GLDN: variants seen among roughly 807,000 people sequenced by gnomAD.
GLDN encodes the protein collomin.
GLDN carries 47 observed loss-of-function variants against 56.5 expected under a neutral mutation model. The ratio of observed to expected loss-of-function variants is 0.83; its 90% CI spans 0.66 to 1.06. The LOEUF is 1.06. GLDN is among the 50% of genes least tolerant of loss of function. GLDN has a pLI of 0.00. For missense variants in GLDN, 782 were observed against 714.3 expected, an observed-to-expected ratio of 1.09 and a Z score of -1.08; for synonymous variants, 332 against 278.8, an observed-to-expected ratio of 1.19 and a Z score of -1.90.
chr15:51,388,922 G>T (rs1262355410), intron 4 of GLDN, among the ~76,000 whole-genome samples: 1 of 152,232 alleles, frequency 6.6e-6, no homozygotes, highest in Non-Finnish European at 1.5e-5. Context: ...GGGAGGGCTG[G>T]GAGGGTTCCA....
intron 4 of GLDN, among the ~76,000 whole-genome samples, chr15:51,394,002 G>A (rs1223926416): frequency 6.6e-6 from 1 of 152,196 alleles, no homozygotes; most frequent in Non-Finnish European, 1.5e-5. Context: ...ACAGAAAAGG[G>A]CATTGGAGAT....
chr15:51,343,584 GC>G (rs1426792211), intron 1 of GLDN, among the ~76,000 whole-genome samples: 1 of 152,174 alleles, frequency 6.6e-6, no homozygotes, highest in African/African-American at 2.4e-5. Flanking sequence ...AGGTGACCTC[GC>G]AGTGCTACCA....
rs368085516 is a variant in GLDN, at chr15:51,404,533, C to G, written c.1435C>G (p.Arg479Gly). 1.3e-5 allele frequency: 21 copies of G among 1,613,946 alleles called. No individual in the cohort carries two copies. Among genetic ancestry groups the G allele is most frequent in the Non-Finnish European group, 1.7e-5 (20 of 1,180,032 alleles). The change falls in exon 10 of 10, where the codon CGA becomes GGA. Residue 479 changes from arginine (R) to glycine (G), a missense_variant. Coordinates refer to ENST00000335449, the MANE Select transcript of GLDN (RefSeq NM_181789.4). ...KSKAGNAFIA[R>G]GILYVTDTKD... ...CAAGGCTGGCAACGCCTTCATTGCCCGAGGAATCCTCTATGTCACAGACAC... is the reference window on the plus strand; with the variant it reads ...CAAGGCTGGCAACGCCTTCATTGCCGGAGGAATCCTCTATGTCACAGACAC...
intron 8 of GLDN, 144 bp downstream of exon 8, chr15:51,400,642 A>C: frequency 1.0e-6 from 1 of 957,126 alleles, no homozygotes; most frequent in Non-Finnish European, 1.6e-6. Flanking sequence ...AGAAAGACCA[A>C]TAAGTGGGCA....
At chr15:51,347,352 G>A (rs752242135) in intron 1 of GLDN, among the ~76,000 whole-genome samples, 6 of 152,256 alleles carry the variant, frequency 3.9e-5, no homozygotes, top group Non-Finnish European at 7.4e-5. Flanking sequence ...GGCCCAGGAT[G>A]GCTTTGAATG....
At chr15:51,350,369 A>C (rs2037053974) in intron 1 of GLDN, among the ~76,000 whole-genome samples, 1 of 152,130 alleles carries the variant, frequency 6.6e-6, no homozygotes, top group Non-Finnish European at 1.5e-5. Flanking sequence ...GGAGCTGATG[A>C]GAGATTAGAG....
intron 1 of GLDN, among the ~76,000 whole-genome samples, chr15:51,357,529 G>T (rs2037208840): frequency 1.3e-5 from 2 of 152,194 alleles, no homozygotes; most frequent in Non-Finnish European, 2.9e-5. Context: ...AGACACAGGT[G>T]TGAGGCTTTC....
intron 4 of GLDN, 75 bp downstream of exon 4, chr15:51,383,967 T>A (rs1182532062): frequency 3.6e-6 from 4 of 1,101,660 alleles, no homozygotes; most frequent in Non-Finnish European, 5.4e-6. Flanking sequence ...ACTAAAACTG[T>A]GTGCAGCAGG....
rs774517260 is a variant in GLDN, at chr15:51,383,896, T to A, written c.541+4T>A. 3.8e-6 allele frequency: 6 copies of A among 1,583,592 alleles called. No homozygotes were observed. The highest frequency in any genetic ancestry group is 4.3e-6 in the Non-Finnish European group (5 of 1,158,944). ...AATGGAAAAAGAGGAAAAATGGGTA[T>A]TTTTGGCAACTCTTCTAATTAATTT... On this transcript the variant is annotated splice_donor_region_variant and intron_variant, in intron 4 of 9. Coordinates refer to ENST00000335449, the MANE Select transcript of GLDN (RefSeq NM_181789.4).
In GLDN at chr15:51,402,145, G is replaced by A. The variant is rs192087181; in HGVS notation, c.1178+402G>A. Among the ~76,000 whole-genome samples the A allele has an allele frequency of 3.2e-3, 481 of 152,332 alleles. 1 individual carries two copies. Among genetic ancestry groups the A allele is most frequent in the African/African-American group, 0.011 (461 of 41,586 alleles). On this transcript the variant is annotated intron_variant, in intron 9 of 9. Transcript: ENST00000335449. Reference sequence around the variant, plus strand: ...TGGGTGTGGGGAATTTCGTGTCACAGCTGAGATCATTGAAGACTGGGGAAT... The same window carrying A: ...TGGGTGTGGGGAATTTCGTGTCACAACTGAGATCATTGAAGACTGGGGAAT...
chr15:51,412,837 C>A (rs531219782), downstream of GLDN, among the ~76,000 whole-genome samples: 4 of 152,190 alleles, frequency 2.6e-5, no homozygotes, highest in East Asian at 7.7e-4. Flanking sequence ...TCCATGGCTG[C>A]TTTTATGTCA....
At position 51,384,397 on chromosome 15, in the gene GLDN, C is replaced by T. The variant is rs566059415; in HGVS notation, c.541+505C>T. Reference sequence around the variant, plus strand: ...GGCAGCATCCTGGCCTCCCTGTGGCCGGCACTCAGGTCAAAGGGTCTCCTC... The same window carrying T: ...GGCAGCATCCTGGCCTCCCTGTGGCTGGCACTCAGGTCAAAGGGTCTCCTC... On this transcript the variant is annotated intron_variant, in intron 4 of 9. Coordinates refer to ENST00000335449, the MANE Select transcript of GLDN (RefSeq NM_181789.4). 6.6e-5 allele frequency: 12 copies of T among 180,532 alleles called. No homozygotes were observed. In the South Asian group the frequency reaches 1.2e-3, roughly 18 times the overall value. 11.2% of individuals were successfully genotyped at this position (180,532 alleles called of 1,614,324 possible).
chr15:51,350,670 C>T (rs1020716571), intron 1 of GLDN, among the ~76,000 whole-genome samples: 1 of 152,140 alleles, frequency 6.6e-6, no homozygotes, highest in African/African-American at 2.4e-5. Context: ...TAACTCATGT[C>T]GCAGGCAATG....
chr15:51,355,929 C>T (rs973748816), intron 1 of GLDN, among the ~76,000 whole-genome samples: 7 of 144,878 alleles, frequency 4.8e-5, no homozygotes, highest in Admixed American at 4.8e-4. Context: ...TAACCTCAGC[C>T]GGGTGTGGTG....
At chr15:51,401,484 G>C (rs777503397) in intron 8 of GLDN, 109 bp from the exon 9 acceptor site, 2 of 957,008 alleles carry the variant, frequency 2.1e-6, no homozygotes, top group Non-Finnish European at 3.3e-6. Flanking sequence ...GGACCTTAGG[G>C]AACATTTCAC....
rs1018755746 is a variant in GLDN at position 51,363,649 on chromosome 15, A to G, written c.364-13800A>G. ...CAAACACTTACGACACAAGCAATAG[A>G]TAATAGGACCCTAAGAGGGATATGA... On this transcript the variant is annotated intron_variant, in intron 1 of 9. Transcript: ENST00000335449. Among the ~76,000 whole-genome samples, 7 of 152,310 alleles carry G rather than the reference A, an allele frequency of 4.6e-5. No homozygotes were observed. In the East Asian group the frequency reaches 1.4e-3, roughly 29 times the overall value.
chr15:51,378,426 T>C (rs2037682323), intron 2 of GLDN, among the ~76,000 whole-genome samples: 1 of 152,224 alleles, frequency 6.6e-6, no homozygotes, highest in African/African-American at 2.4e-5. Context: ...AAGTCCTTTT[T>C]CAGAGTTACA....
intron 5 of GLDN, among the ~76,000 whole-genome samples, chr15:51,396,836 T>C (rs921549024): frequency 1.3e-5 from 2 of 152,234 alleles, no homozygotes; most frequent in African/African-American, 4.8e-5. Flanking sequence ...CTGGGTTTAG[T>C]ACATTTTGTT....
intron 9 of GLDN, among the ~76,000 whole-genome samples, chr15:51,403,811 C>G (rs1194209548): frequency 2.0e-5 from 3 of 152,212 alleles, no homozygotes; most frequent in Non-Finnish European, 4.4e-5. Flanking sequence ...ACCTCTGGCT[C>G]TGCCTCTTAC....
Sources: allele counts gnomAD v4.1 joint callset (sites outside exome capture counted in the v4.1 genomes callset), GRCh38; gene constraint gnomAD v4.1.1; transcripts MANE v1.5; gene names NCBI Gene and HGNC (gene_info 2026-07-23, HGNC 2026-07-21).